Variants in MICALL2 observed in about 807,000 individuals in gnomAD.
The protein encoded by MICALL2 is MICAL-like protein 2.
In MICALL2, 111 loss-of-function variants were observed where a neutral mutation model predicts 91.1. The observed-to-expected ratio is 1.22, with a 90% CI of 1.04 to 1.43. MICALL2 has a LOEUF of 1.43. Among genes scored for constraint, MICALL2 ranks in the 40% most tolerant of loss-of-function variants. The pLI, the probability that MICALL2 is intolerant of heterozygous loss-of-function variation, is 0.00. For missense variants in MICALL2, 1,556 were observed against 1,236.0 expected, an observed-to-expected ratio of 1.26 and a Z score of -3.88; for synonymous variants, 694 against 525.3, an observed-to-expected ratio of 1.32 and a Z score of -4.39.
At chr7:1,437,849 G>A (rs748671900) in intron 13 of MICALL2, 41 bp downstream of exon 13, 29 of 1,523,102 alleles carry the variant, frequency 1.9e-5, no homozygotes, top group Non-Finnish European at 2.5e-5. Flanking sequence ...CCCGCAACGA[G>A]GTCCTGGCCT....
Position 1,439,953 on chromosome 7 carries a change from G to T in MICALL2, c.1938C>A (p.Arg646=), listed in dbSNP as rs370534746. 128 of 1,498,486 alleles carry T rather than the reference G, an allele frequency of 8.5e-5. No homozygotes were observed. Among genetic ancestry groups the T allele is most frequent in the African/African-American group, 4.1e-4 (28 of 68,128 alleles). 92.8% of individuals were successfully genotyped at this position (1,498,486 alleles called of 1,614,324 possible). A position where few individuals can be genotyped will look rare whatever the true frequency, so the allele number is the denominator to read the frequency against. The change falls in exon 9 of 17, where the codon CGC becomes CGA. Residue 646 remains arginine (R), a synonymous_variant. Transcript: ENST00000297508. ...GGAGGCTGGGTCCTGGGCTGGCTGGGCGTGGGGTCCTGTCAGGCCTCACGG... is the reference window on the plus strand; with the variant it reads ...GGAGGCTGGGTCCTGGGCTGGCTGGTCGTGGGGTCCTGTCAGGCCTCACGG... The part of the protein sequence containing the change: ...LTPVRPDRTP[R]PASPGPSLPA...
In MICALL2 at chr7:1,437,550, G is replaced by A. The variant is rs767851569; in HGVS notation, c.2461C>T (p.Leu821Phe). Residue 821 changes from leucine to phenylalanine, a missense_variant, in exon 14 of 17, where the codon CTC (leucine) becomes TTC (phenylalanine). By Grantham distance (22) the Leu-to-Phe change is conservative (BLOSUM62 0). Transcript: ENST00000297508. The stretch of plus-strand genomic sequence containing the variant: ...GGGGACGCACCGGGCTTGGCCATGA[G>A]CCGGCGCAGCTCGCCCTCGATGTCC... ...QLDIEGELRR[L>F]MAKPEALKSL... 31 of 1,530,052 alleles carry A rather than the reference G, an allele frequency of 2.0e-5. No individual in the cohort carries two copies. The highest frequency in any genetic ancestry group is 4.9e-5 in the East Asian group (2 of 40,712). 94.8% of individuals were successfully genotyped at this position (1,530,052 alleles called of 1,614,324 possible).
At chr7:1,437,729 G>GC in intron 13 of MICALL2, 121 bp from the exon 14 acceptor site, 2 of 1,269,482 alleles carry the variant, frequency 1.6e-6, no homozygotes, top group Non-Finnish European at 2.2e-6. Flanking sequence ...CTGACTCGCC[G>GC]CCCGTCCCCC....
Position 1,442,202 on chromosome 7 carries a change from G to C in MICALL2, c.1701C>G (p.Thr567=). Residue 567 remains threonine (T), a synonymous_variant, in exon 7 of 17, where the codon ACC becomes ACG. Transcript: ENST00000297508. ...CAGCCCCTTACTCACCCTGCGTTAAGGTGGTGCTTTTACCCTTTGCCATCG... is the reference window on the plus strand; with the variant it reads ...CAGCCCCTTACTCACCCTGCGTTAACGTGGTGCTTTTACCCTTTGCCATCG... ...EAPMAKGKST[T]LTQDMSTSLQ... 6.2e-7 allele frequency: 1 copy of C among 1,612,598 alleles called. No individual in the cohort carries two copies. The highest frequency in any genetic ancestry group is 8.5e-7 in the Non-Finnish European group (1 of 1,179,896).
chr7:1,437,578 CT>C lies in MICALL2; in HGVS notation c.2432del (p.Gln811ArgfsTer18). The C allele has an allele frequency of 6.5e-7, 1 of 1,537,194 alleles. No homozygotes were observed. Among genetic ancestry groups the C allele is most frequent in the Non-Finnish European group, 8.7e-7 (1 of 1,145,874 alleles). Reference protein sequence around the residue: ...KSKAQRLEEQQLDIEGELRRL... With the variant: ...KSKAQRLEEQXLDIEGELRRL... Reference sequence around the variant, plus strand: ...GGCGCAGCTCGCCCTCGATGTCCAGCTGCTGCTCCTCCAGACGCTGGGCCTT... The same window carrying C: ...GGCGCAGCTCGCCCTCGATGTCCAGCGCTGCTCCTCCAGACGCTGGGCCTT... On this transcript the variant is annotated frameshift_variant, in exon 14 of 17. Transcript: ENST00000297508. LOFTEE classifies it high-confidence loss of function.
intron 10 of MICALL2, 155 bp downstream of exon 10, chr7:1,438,685 C>T (rs768745721): frequency 2.9e-5 from 42 of 1,458,428 alleles, no homozygotes; most frequent in Middle Eastern, 2.0e-4. Context: ...TTCATGAGGG[C>T]GGGCCTGGGG....
chr7:1,436,839 G>A lies in MICALL2; in HGVS notation c.2494C>T (p.Gln832Ter). Residue 832 changes from glutamine to a stop codon, truncating the protein, a stop_gained, in exon 15 of 17, where the codon CAG (glutamine) becomes TAG (stop). Coordinates refer to ENST00000297508, the MANE Select transcript of MICALL2 (RefSeq NM_182924.4). LOFTEE classifies it high-confidence loss of function. ...MAKPEALKSLQERRREQELLE... is the reference protein window; with the variant it reads ...MAKPEALKSL ...AGCTCCTGCTCCCGCCGCCGCTCCT[G>A]CAGTGACTTCAGAGCCTCTGTGGGG... The A allele has an allele frequency of 6.2e-7, 1 of 1,600,974 alleles. No individual in the cohort carries two copies. Among genetic ancestry groups the A allele is most frequent in the Non-Finnish European group, 8.5e-7 (1 of 1,175,430 alleles).
Position 1,442,390 on chromosome 7 carries a change from G to A in MICALL2, c.1513C>T (p.Pro505Ser). The change falls in exon 7 of 17, where the codon CCC becomes TCC. Residue 505 changes from proline to serine, a missense_variant. Physicochemically the swap from Pro to Ser is moderately conservative, Grantham distance 74. Transcript: ENST00000297508. ...CTCGAAGGGAGGCCAAGCACCCGGGGAGACGAGGACTGTAACGGCTTGGCT... is the reference window on the plus strand; with the variant it reads ...CTCGAAGGGAGGCCAAGCACCCGGGAAGACGAGGACTGTAACGGCTTGGCT... The part of the protein sequence containing the change: ...PLAKPLQSSS[P>S]RVLGLPSRME... The A allele has an allele frequency of 4.4e-6, 7 of 1,608,456 alleles. No homozygotes were observed. Among genetic ancestry groups the A allele is most frequent in the Admixed American group, 1.7e-5 (1 of 59,702 alleles).
Position 1,434,573 on chromosome 7 carries a change from C to T in MICALL2, c.*23G>A, listed in dbSNP as rs377013575. 5.3e-5 allele frequency: 85 copies of T among 1,598,702 alleles called. No individual in the cohort carries two copies. The highest frequency in any genetic ancestry group is 6.7e-5 in the Non-Finnish European group (78 of 1,166,472). On this transcript the variant is annotated 3_prime_UTR_variant, in exon 17 of 17. Coordinates refer to ENST00000297508, the MANE Select transcript of MICALL2 (RefSeq NM_182924.4). The stretch of plus-strand genomic sequence containing the variant: ...CCAAGTCCGGATGCCAGGTCCGGGC[C>T]GAGCCCACGGCCCTACTGGCTACTA...
chr7:1,436,125 C>T (rs1403069364), intron 15 of MICALL2, among the ~76,000 whole-genome samples: 1 of 151,726 alleles, frequency 6.6e-6, no homozygotes, highest in Non-Finnish European at 1.5e-5. Context: ...TACGGTGGCT[C>T]ATGCCTGTAA....
intron 4 of MICALL2, among the ~76,000 whole-genome samples, chr7:1,447,218 C>T (rs955504226): frequency 2.6e-5 from 4 of 152,206 alleles, no homozygotes; most frequent in South Asian, 2.1e-4. Context: ...ACCCCAACTC[C>T]GCTTCTGAGA....
At position 1,456,188 on chromosome 7, in the gene MICALL2, A is replaced by G. The variant is rs548600606; in HGVS notation, c.143+2996T>C. ...GTAATCCCAGCGCTTCGGGAGGCTG[A>G]GGCAGGAGGATTACTTGAGGCCAGG... is the stretch of plus-strand genomic sequence containing the variant. On this transcript the variant is annotated intron_variant, in intron 1 of 16. Coordinates refer to ENST00000297508, the MANE Select transcript of MICALL2 (RefSeq NM_182924.4). 2.7e-5 allele frequency among the ~76,000 whole-genome samples: 4 copies of G among 148,138 alleles called. No homozygotes were observed. The South Asian group carries it at 8.3e-4, about 31-fold the overall frequency.
chr7:1,453,036 C>T (rs1239604802), intron 1 of MICALL2, among the ~76,000 whole-genome samples: 1 of 151,618 alleles, frequency 6.6e-6, no homozygotes, highest in Non-Finnish European at 1.5e-5. Context: ...ACCCCCGGGG[C>T]CCCTGAGCAG....
At chr7:1,442,031 C>T (rs575162332) in intron 7 of MICALL2, 161 bp downstream of exon 7, 1 of 831,480 alleles carries the variant, frequency 1.2e-6, no homozygotes, top group Non-Finnish European at 1.9e-6. Flanking sequence ...CGCACCAGGA[C>T]CCCAGGAGGC....
intron 13 of MICALL2, 26 bp from the exon 14 acceptor site, chr7:1,437,634 C>A (rs1306607792): frequency 1.3e-6 from 2 of 1,536,892 alleles, no homozygotes; most frequent in Non-Finnish European, 1.7e-6. Context: ...GCGTCTGAGG[C>A]CTGACTCTGC....
At position 1,440,127 on chromosome 7, in the gene MICALL2, C is replaced by T. The variant is rs747572149; in HGVS notation, c.1806-42G>A. 5 of 1,552,560 alleles carry T rather than the reference C, an allele frequency of 3.2e-6. No homozygotes were observed. In the Admixed American group the frequency reaches 8.8e-5, roughly 27 times the overall value. The stretch of plus-strand genomic sequence containing the variant: ...AGGTCGGAACCCGAACCACCAGCCC[C>T]AGGGCCTGGCCCACCTGGAGGGGCT... On this transcript the variant is annotated intron_variant, in intron 8 of 16. Coordinates refer to ENST00000297508, the MANE Select transcript of MICALL2 (RefSeq NM_182924.4).
intron 9 of MICALL2, 42 bp from the exon 10 acceptor site, chr7:1,439,037 G>A (rs753464464): frequency 1.0e-5 from 15 of 1,471,170 alleles, no homozygotes; most frequent in Non-Finnish European, 1.4e-5. Context: ...TCAGAGCAGG[G>A]CCACTGGGAG....
rs1780817828 is a variant in MICALL2 at position 1,451,324 on chromosome 7, C to G, written c.144-1036G>C. Among the ~76,000 whole-genome samples, 1 of 152,114 alleles carries G rather than the reference C, an allele frequency of 6.6e-6. No homozygotes were observed. The highest frequency in any genetic ancestry group is 1.5e-5 in the Non-Finnish European group (1 of 68,002). ...GCCCCAGGCCCTCCGACAAAAACCA[C>G]CAGGCTCCCAGCACGGGCTGCGGCT... On this transcript the variant is annotated intron_variant, in intron 1 of 16. Transcript: ENST00000297508. This position sits in a 1 kb window ranked among gnomAD's most constrained non-coding sequence, Gnocchi z 4.5.
chr7:1,440,020 A>T lies in MICALL2; in HGVS notation c.1871T>A (p.Val624Asp). The change falls in exon 9 of 17, where the codon GTC becomes GAC. Residue 624 changes from valine to aspartate, a missense_variant. Coordinates refer to ENST00000297508, the MANE Select transcript of MICALL2 (RefSeq NM_182924.4). ...EPRAGEAPRKVSGSFAGSVHI... is the reference protein window; with the variant it reads ...EPRAGEAPRKDSGSFAGSVHI... ...GACACTCCCAGCAAAGCTGCCTGAG[A>T]CCTTCCTGGGGGCCTCCCCCGCCCT... is the stretch of plus-strand genomic sequence containing the variant. 2.5e-6 allele frequency: 4 copies of T among 1,569,760 alleles called. No homozygotes were observed. Among genetic ancestry groups the T allele is most frequent in the Non-Finnish European group, 3.4e-6 (4 of 1,166,136 alleles).
Sources: gnomAD v4.1 joint callset for allele counts (sites outside exome capture counted in the v4.1 genomes callset) on GRCh38, gnomAD v4.1.1 for gene constraint, Gnocchi (gnomAD v3.1) non-coding constraint, MANE v1.5 for transcripts, NCBI Gene and HGNC (gene_info 2026-07-23, HGNC 2026-07-21) for gene names.